The following WWOX variants were observed in gnomAD, a reference collection of about 807,000 sequenced individuals.
The protein encoded by WWOX is WW domain-containing oxidoreductase.
In WWOX, 69 loss-of-function variants were observed where a neutral mutation model predicts 46.2. That is an observed-to-expected ratio of 1.49 (90% confidence interval 1.23 to 1.82). WWOX has a LOEUF of 1.82. Ranked by LOEUF, WWOX falls within the 40% of genes most tolerant of loss-of-function variation. The pLI is 0.00. For missense variants in WWOX, 919 were observed against 542.6 expected, an observed-to-expected ratio of 1.69 and a Z score of -6.89; for synonymous variants, 359 against 202.6, an observed-to-expected ratio of 1.77 and a Z score of -6.56.
chr16:78,791,264 C>A (rs1423882116), intron 8 of WWOX, among the ~76,000 whole-genome samples: 2 of 152,066 alleles, frequency 1.3e-5, no homozygotes, highest in South Asian at 2.1e-4. Context: ...TCCCTCCGAT[C>A]CACCAGGCAC....
chr16:78,612,939 G>C (rs1308318812), intron 8 of WWOX, among the ~76,000 whole-genome samples: 1 of 152,120 alleles, frequency 6.6e-6, no homozygotes, highest in Non-Finnish European at 1.5e-5. Flanking sequence ...TTTTTTTCCA[G>C]ATGCTCTGGG....
At chr16:78,885,539 A>T (rs1223980317) in intron 8 of WWOX, among the ~76,000 whole-genome samples, 1 of 152,226 alleles carries the variant, frequency 6.6e-6, no homozygotes, top group Admixed American at 6.5e-5. Context: ...TTATGGGCAG[A>T]TTGTGAGAAA....
intron 8 of WWOX, among the ~76,000 whole-genome samples, chr16:78,678,626 A>C (rs2047658538): frequency 6.6e-6 from 1 of 152,178 alleles, no homozygotes; most frequent in African/African-American, 2.4e-5. Flanking sequence ...TAAAATATGA[A>C]AACAGGAAAA....
intron 8 of WWOX, among the ~76,000 whole-genome samples, chr16:79,091,966 A>T (rs1327584826): frequency 6.6e-6 from 1 of 151,542 alleles, no homozygotes; most frequent in African/African-American, 2.4e-5. Flanking sequence ...TTTTTAGTAG[A>T]GACGGAGTTT....
At chr16:78,562,953 G>A (rs2044474128) in intron 8 of WWOX, among the ~76,000 whole-genome samples, 1 of 151,948 alleles carries the variant, frequency 6.6e-6, no homozygotes, top group African/African-American at 2.4e-5. Context: ...GCCATATGCT[G>A]TGCAGATCCC....
intron 8 of WWOX, among the ~76,000 whole-genome samples, chr16:78,910,506 GT>G (rs3085520): frequency 0.14 from 20,406 of 147,538 alleles, 1,676 homozygotes; most frequent in South Asian, 0.24. Context: ...AGGATCTTTT[GT>G]TTTTTTTTTT....
intron 8 of WWOX, among the ~76,000 whole-genome samples, chr16:78,925,077 C>T (rs886456774): frequency 5.9e-5 from 9 of 152,100 alleles, no homozygotes; most frequent in African/African-American, 1.4e-4. Context: ...TGCCTGTAGT[C>T]CCAGTTACTG....
chr16:78,808,121 T>G (rs1425131797), intron 8 of WWOX, among the ~76,000 whole-genome samples: 9 of 152,178 alleles, frequency 5.9e-5, no homozygotes, highest in Non-Finnish European at 8.8e-5. Flanking sequence ...CAACCAGGAC[T>G]CCCTGTAGTC....
intron 8 of WWOX, among the ~76,000 whole-genome samples, chr16:78,715,793 T>C (rs1307342715): frequency 6.6e-6 from 1 of 152,180 alleles, no homozygotes; most frequent in African/African-American, 2.4e-5. Flanking sequence ...GACCATTTTA[T>C]CAGGAAAAGC....
At chr16:78,641,200 G>C (rs987613945) in intron 8 of WWOX, among the ~76,000 whole-genome samples, 1 of 151,842 alleles carries the variant, frequency 6.6e-6, no homozygotes, top group Non-Finnish European at 1.5e-5. Flanking sequence ...TTCACGCTGT[G>C]TTTATTTTTT....
At chr16:78,408,830 C>T (rs980723549) in intron 6 of WWOX, among the ~76,000 whole-genome samples, 12 of 152,058 alleles carry the variant, frequency 7.9e-5, no homozygotes, top group South Asian at 2.1e-4. Flanking sequence ...CATCTGGGAA[C>T]GAGTGAGGGA....
Position 79,190,565 on chromosome 16 carries a change from C to T in WWOX, c.1057-21043C>T, listed in dbSNP as rs1198804637. On this transcript the variant is annotated intron_variant, in intron 8 of 8. Coordinates refer to ENST00000566780, the MANE Select transcript of WWOX (RefSeq NM_016373.4). ...ACGTTTCCAACTTGGATTAAACTGG[C>T]ACGACAGTTCAGTCAAATGTCAAGT... Among the ~76,000 whole-genome samples the T allele has an allele frequency of 3.9e-5, 6 of 152,280 alleles. No individual in the cohort carries two copies. In the East Asian group the frequency reaches 1.2e-3, roughly 29 times the overall value.
intron 8 of WWOX, among the ~76,000 whole-genome samples, chr16:79,157,246 G>T (rs2050399386): frequency 6.6e-6 from 1 of 152,188 alleles, no homozygotes; most frequent in African/African-American, 2.4e-5. Context: ...TCAAGAGTCT[G>T]TCAGGAAGTG....
chr16:78,537,924 T>G (rs558469756), intron 8 of WWOX, among the ~76,000 whole-genome samples: 1 of 152,248 alleles, frequency 6.6e-6, no homozygotes, highest in African/African-American at 2.4e-5. Context: ...CTTTTCACCT[T>G]ACAGCAGCCC....
At chr16:78,628,220 C>T (rs1036648274) in intron 8 of WWOX, among the ~76,000 whole-genome samples, 3 of 152,136 alleles carry the variant, frequency 2.0e-5, no homozygotes, top group African/African-American at 4.8e-5. Context: ...CTTGAGTGGA[C>T]GGTTTGGCCA....
intron 8 of WWOX, among the ~76,000 whole-genome samples, chr16:79,141,058 A>G (rs546376760): frequency 3.1e-3 from 478 of 152,336 alleles, no homozygotes; most frequent in Middle Eastern, 0.017. Context: ...GCTAAAGGGA[A>G]AAGTCAAGCT....
intron 8 of WWOX, among the ~76,000 whole-genome samples, chr16:78,921,169 T>C (rs2045369473): frequency 6.6e-6 from 1 of 152,192 alleles, no homozygotes; most frequent in African/African-American, 2.4e-5. Flanking sequence ...AACTTTTTTT[T>C]TCAAACACTG....
At chr16:78,248,913 C>G (rs955146254) in intron 5 of WWOX, among the ~76,000 whole-genome samples, 3 of 137,494 alleles carry the variant, frequency 2.2e-5, no homozygotes, top group Non-Finnish European at 3.1e-5. Flanking sequence ...CATCACCAGG[C>G]TGGCACGATC....
chr16:78,392,999 C>T (rs1423323680), intron 6 of WWOX, among the ~76,000 whole-genome samples: 5 of 152,068 alleles, frequency 3.3e-5, no homozygotes, highest in African/African-American at 1.2e-4. Context: ...TGTCTCGGGT[C>T]AAATTATTTT....
Sources: allele counts gnomAD v4.1 joint callset (sites outside exome capture counted in the v4.1 genomes callset), GRCh38; gene constraint gnomAD v4.1.1; transcripts MANE v1.5; gene names NCBI Gene and HGNC (gene_info 2026-07-23, HGNC 2026-07-21).